The following ZNF44 variants were observed in gnomAD, a reference collection of about 807,000 sequenced individuals.
ZNF44 encodes the protein gonadotropin inducible transcription repressor-2.
Under a neutral mutation model 11.7 loss-of-function variants are expected in ZNF44, and 9 were observed. The observed-to-expected ratio is 0.77, with a 90% CI of 0.46 to 1.35. The LOEUF (loss-of-function observed/expected upper bound fraction) is 1.35, where lower values mean the gene tolerates loss of function less well. Ranked by LOEUF, ZNF44 falls within the 40% of genes most tolerant of loss-of-function variation. The pLI, the probability that ZNF44 is intolerant of heterozygous loss-of-function variation, is 0.00. For synonymous variants in ZNF44, 224 were observed against 242.7 expected (o/e 0.92, Z 0.72); for missense variants, 696 against 743.1 (o/e 0.94, Z 0.74).
chr19:12,275,655 G>GA (rs1967188555), intron 2 of ZNF44, among the ~76,000 whole-genome samples: 1 of 151,686 alleles, frequency 6.6e-6, no homozygotes, highest in East Asian at 1.9e-4. Context: ...CAAAAAAAAA[G>GA]AAAAAAAATT....
exon 4 of ZNF44, chr19:12,226,194 T>C (rs1433025863): frequency 1.3e-5 from 2 of 152,224 alleles, no homozygotes; most frequent in Non-Finnish European, 2.9e-5. Flanking sequence ...GTCCTTTAAA[T>C]TGGCTTTGAT....
chr19:12,229,616 TA>T (rs377433617), intron 3 of ZNF44, among the ~76,000 whole-genome samples: 21 of 136,770 alleles, frequency 1.5e-4, no homozygotes, highest in African/African-American at 6.1e-4. Context: ...GGAAGAAAGA[TA>T]TTTTTTTTTT....
At chr19:12,225,561 T>C (rs1379606272), downstream of ZNF44, among the ~76,000 whole-genome samples, 1 of 152,192 alleles carries the variant, frequency 6.6e-6, no homozygotes, top group Non-Finnish European at 1.5e-5. Context: ...TTAGTAACCA[T>C]TATTCCCGCT....
At chr19:12,241,280 C>G (rs987042498), upstream of ZNF44, among the ~76,000 whole-genome samples, 2 of 152,218 alleles carry the variant, frequency 1.3e-5, no homozygotes, top group Non-Finnish European at 2.9e-5. Context: ...ATAGAAACTG[C>G]AGTCCTTGTG....
intron 5 of ZNF44, chr19:12,260,185 A>G: frequency 1.3e-6 from 1 of 769,864 alleles, no homozygotes; most frequent in Non-Finnish European, 2.4e-6. Flanking sequence ...GATCAAGAGG[A>G]CTATGCCGAC....
upstream of ZNF44, among the ~76,000 whole-genome samples, chr19:12,239,174 G>A (rs1012389370): frequency 3.9e-5 from 6 of 151,988 alleles, no homozygotes; most frequent in South Asian, 2.1e-4. Context: ...GTGCAGTGGC[G>A]TGATCTCGGC....
At chr19:12,268,145 G>GAC (rs71166661), downstream of ZNF44, among the ~76,000 whole-genome samples, 13,397 of 136,706 alleles carry the variant, frequency 0.098, 564 homozygotes, top group Middle Eastern at 0.12. Context: ...CACACACACA[G>GAC]ACACACACAC....
At chr19:12,260,465 C>A in intron 5 of ZNF44, 1 of 1,351,970 alleles carries the variant, frequency 7.4e-7, no homozygotes, top group Non-Finnish European at 1.0e-6. Context: ...TCCGCAGGGT[C>A]AGCGCCATCC....
intron 1 of ZNF44, among the ~76,000 whole-genome samples, chr19:12,286,918 C>G (rs1967783620): frequency 6.6e-6 from 1 of 151,702 alleles, no homozygotes; most frequent in African/African-American, 2.4e-5. Flanking sequence ...GAGTAAGACT[C>G]TGTCTCAAAA....
chr19:12,273,856 A>G lies in ZNF44; in HGVS notation c.399T>C (p.Cys133=), dbSNP rs1194963867. The G allele has an allele frequency of 7.4e-6, 12 of 1,613,998 alleles. No homozygotes were observed. The highest frequency in any genetic ancestry group is 9.3e-6 in the Non-Finnish European group (11 of 1,180,042). The change falls in exon 4 of 4, where the codon TGT becomes TGC. Residue 133 remains cysteine, a synonymous_variant. Coordinates refer to ENST00000355684, the MANE Select transcript of ZNF44 (RefSeq NM_016264.4). ...TATATGACTTCTCTGCATATTCATG[A>G]CACTCCCGGTGTTTGTGTCCAGTAT... ...RVDTGHKHRE[C]HEYAEKSYTH...
upstream of ZNF44, among the ~76,000 whole-genome samples, chr19:12,242,379 G>A (rs930259055): frequency 1.3e-5 from 2 of 151,636 alleles, no homozygotes; most frequent in Non-Finnish European, 2.9e-5. Flanking sequence ...GCGTGGTGGT[G>A]GGCACCTGTA....
chr19:12,253,016 T>C (rs8106613), intron 5 of ZNF44, among the ~76,000 whole-genome samples: 1,511 of 150,830 alleles, frequency 0.01, 26 homozygotes, highest in African/African-American at 0.03. Context: ...GCTTCCCAAG[T>C]AGCTGGGACT....
rs758431512 is a variant in ZNF44 at position 12,273,714 on chromosome 19, G to C, written c.541C>G (p.Pro181Ala). The change falls in exon 4 of 4, where the codon CCT becomes GCT. Residue 181 changes from proline (P) to alanine (A), a missense_variant. Coordinates refer to ENST00000355684, the MANE Select transcript of ZNF44 (RefSeq NM_016264.4). ...CKECGKTFSS[P>A]GNLRRHMVVK... ...ACCATATGTCTTCGAAGGTTTCCAG[G>C]AGAACTGAAGGTTTTTCCACATTCC... 2.8e-5 allele frequency: 45 copies of C among 1,614,006 alleles called. 1 individual carries two copies. The Admixed American group carries it at 7.3e-4, about 26-fold the overall frequency.
At chr19:12,249,944 T>C (rs1220315389) in intron 7 of ZNF44, 3 of 1,245,154 alleles carry the variant, frequency 2.4e-6, no homozygotes, top group Admixed American at 5.5e-5. Context: ...ATTTTTCTCC[T>C]AGAATACTGC....
intron 5 of ZNF44, chr19:12,260,340 C>A: frequency 2.0e-6 from 2 of 992,848 alleles, no homozygotes; most frequent in Non-Finnish European, 3.1e-6. Flanking sequence ...CCAGCCGAAG[C>A]CTGCCACCTC....
chr19:12,226,379 C>G (rs143931616), exon 4 of ZNF44: 3 of 152,168 alleles, frequency 2.0e-5, no homozygotes, highest in Non-Finnish European at 4.4e-5. Flanking sequence ...TACCACAGAT[C>G]GGAAACCCTG....
Position 12,272,505 on chromosome 19 carries a change from C to A in ZNF44, c.1750G>T (p.Gly584Ter). The A allele has an allele frequency of 6.2e-7, 1 of 1,613,134 alleles. No individual in the cohort carries two copies. The highest frequency in any genetic ancestry group is 8.5e-7 in the Non-Finnish European group (1 of 1,179,664). ...FCREHERTHTGEKPYECKECG... is the reference protein window; with the variant it reads ...FCREHERTHT ...TCCTTACATTCATAGGGCTTCTCTC[C>A]AGTGTGAGTTCTTTCATGTTCTCGA... Residue 584 changes from glycine to a stop codon, truncating the protein, a stop_gained, in exon 4 of 4, where the codon GGA becomes TGA. Coordinates refer to ENST00000355684, the MANE Select transcript of ZNF44 (RefSeq NM_016264.4). LOFTEE classifies it low-confidence loss of function (END_TRUNC).
At chr19:12,293,235 A>T in intron 1 of ZNF44, 1 of 1,536,392 alleles carries the variant, frequency 6.5e-7, no homozygotes, top group Non-Finnish European at 8.7e-7. Flanking sequence ...CATCCACCTG[A>T]TCCTTTGGGA....
chr19:12,283,335 T>C (rs1967565696), intron 1 of ZNF44, among the ~76,000 whole-genome samples: 2 of 152,154 alleles, frequency 1.3e-5, no homozygotes, highest in Non-Finnish European at 2.9e-5. Flanking sequence ...CAGAAATTTT[T>C]TTTTCTTTTT....
Sources: allele counts gnomAD v4.1 joint callset (sites outside exome capture counted in the v4.1 genomes callset), GRCh38; gene constraint gnomAD v4.1.1; transcripts MANE v1.5; gene names NCBI Gene and HGNC (gene_info 2026-07-23, HGNC 2026-07-21).